The following MYH15 variants were observed in gnomAD, a reference collection of about 807,000 sequenced individuals.
The protein encoded by MYH15 is myosin-15.
In MYH15, 227 loss-of-function variants were observed where a neutral mutation model predicts 240.5. That is an observed-to-expected ratio of 0.94 (90% CI 0.85 to 1.05). The LOEUF (loss-of-function observed/expected upper bound fraction) is 1.05. Among genes scored for constraint, MYH15 ranks in the 50% least tolerant of loss-of-function variants. MYH15 has a pLI of 0.00. For missense variants in MYH15, 2,217 were observed against 2,247.5 expected (o/e 0.99, Z 0.27); for synonymous variants, 785 against 796.7 (o/e 0.99, Z 0.25).
chr3:108,488,715 C>T (rs1321151858), intron 9 of MYH15, among the ~76,000 whole-genome samples: 2 of 152,076 alleles, frequency 1.3e-5, no homozygotes, highest in Admixed American at 6.6e-5. Context: ...TTCTCTATCT[C>T]GGCAATTGTG....
chr3:108,517,741 T>G (rs1039669778), intron 1 of MYH15, among the ~76,000 whole-genome samples: 2 of 152,230 alleles, frequency 1.3e-5, no homozygotes, highest in Non-Finnish European at 2.9e-5. Flanking sequence ...GTGCTGGGAT[T>G]ACAGGTGTGA....
At chr3:108,492,462 T>A in intron 9 of MYH15, 38 bp downstream of exon 9, 1 of 1,467,048 alleles carries the variant, frequency 6.8e-7, no homozygotes, top group Non-Finnish European at 9.4e-7. Flanking sequence ...ATTTTTCTTG[T>A]TTTGGAATAA....
intron 1 of MYH15, among the ~76,000 whole-genome samples, chr3:108,523,409 G>A (rs929183357): frequency 6.6e-6 from 1 of 151,846 alleles, no homozygotes; most frequent in South Asian, 2.1e-4. Context: ...AGTATACCCT[G>A]TAAATATATG....
At chr3:108,537,877 T>C in the MYH15 span, among the ~76,000 whole-genome samples, 2 of 152,150 alleles carry the variant, frequency 1.3e-5, no homozygotes, top group African/African-American at 4.8e-5. Context: ...GGATAAAATA[T>C]GCATAATTAC....
At chr3:108,387,590 T>G (rs1046474925) in intron 38 of MYH15, among the ~76,000 whole-genome samples, 5 of 145,838 alleles carry the variant, frequency 3.4e-5, no homozygotes, top group Non-Finnish European at 6.1e-5. Context: ...AATAAAACAA[T>G]AAGAAGAATC....
chr3:108,391,991 C>T, intron 36 of MYH15, 61 bp from the exon 37 acceptor site: 1 of 1,565,426 alleles, frequency 6.4e-7, no homozygotes, highest in Non-Finnish European at 8.7e-7. Context: ...AACATTTTTA[C>T]CCATGATCTT....
the MYH15 span, among the ~76,000 whole-genome samples, chr3:108,547,677 G>A: frequency 2.0e-5 from 3 of 152,168 alleles, no homozygotes; most frequent in East Asian, 3.9e-4. Flanking sequence ...TTTTAATTTC[G>A]TGAATGATAT....
rs757979683 is a variant in MYH15, at chr3:108,410,578, T to C, written c.4495+5A>G. 23 of 1,570,220 alleles carry C rather than the reference T, an allele frequency of 1.5e-5. No homozygotes were observed. The highest frequency in any genetic ancestry group is 2.3e-5 in the East Asian group (1 of 44,064). Reference sequence around the variant, plus strand: ...GGCTTTGGCTCTGAGCCCAGCTCGGTGTACCTTGGAGGTTCTTGTTCTCCC... The same window carrying C: ...GGCTTTGGCTCTGAGCCCAGCTCGGCGTACCTTGGAGGTTCTTGTTCTCCC... On this transcript the variant is annotated splice_donor_5th_base_variant and intron_variant, in intron 31 of 40. Coordinates refer to ENST00000693548, the MANE Select transcript of MYH15 (RefSeq NM_014981.3).
intron 39 of MYH15, 90 bp from the exon 40 acceptor site, chr3:108,383,819 A>C (rs1041384951): frequency 9.5e-7 from 1 of 1,050,394 alleles, no homozygotes; most frequent in African/African-American, 1.6e-5. Flanking sequence ...AAGTTGAATA[A>C]TGTGAAAAGA....
chr3:108,488,790 G>T (rs1355789244), intron 9 of MYH15, among the ~76,000 whole-genome samples: 4 of 152,160 alleles, frequency 2.6e-5, no homozygotes, highest in Non-Finnish European at 5.9e-5. Flanking sequence ...ATTTCCCTTG[G>T]ATGTATTCCC....
intron 32 of MYH15, among the ~76,000 whole-genome samples, chr3:108,407,444 G>A (rs6795741): frequency 0.87 from 131,663 of 152,176 alleles, 58,008 homozygotes; most frequent in Non-Finnish European, 0.96. Context: ...AGAAGAGGCT[G>A]CACAGGGCTT....
chr3:108,398,481 A>T (rs1217261815), intron 35 of MYH15, among the ~76,000 whole-genome samples, 156 bp downstream of exon 35: 2 of 143,214 alleles, frequency 1.4e-5, no homozygotes, highest in Non-Finnish European at 3.1e-5. Context: ...GAAATAACAC[A>T]CTTGGGAACA....
intron 22 of MYH15, among the ~76,000 whole-genome samples, chr3:108,444,351 C>T (rs1352540286): frequency 6.6e-6 from 1 of 152,032 alleles, no homozygotes; most frequent in African/African-American, 2.4e-5. Flanking sequence ...TCATGGGCTA[C>T]ATAGAAACTT....
Position 108,410,599 on chromosome 3 carries a change from C to T in MYH15, c.4479G>A (p.Glu1493=). 6.3e-7 allele frequency: 1 copy of T among 1,592,334 alleles called. No homozygotes were observed. The highest frequency in any genetic ancestry group is 1.1e-5 in the South Asian group (1 of 89,830). ...SIVGQETLRR[E]NKNLQEEISN... is the part of the protein sequence containing the mutation. ...TCGGTGTACCTTGGAGGTTCTTGTT[C>T]TCCCTCCTGAGTGTCTCCTGGCCCA... Residue 1493 remains glutamate (E), a synonymous_variant, in exon 31 of 41, where the codon GAG becomes GAA. Coordinates refer to ENST00000693548, the MANE Select transcript of MYH15 (RefSeq NM_014981.3).
upstream of MYH15, among the ~76,000 whole-genome samples, chr3:108,533,357 G>C (rs189197129): frequency 3.8e-4 from 57 of 151,990 alleles, no homozygotes; most frequent in East Asian, 9.1e-3. Flanking sequence ...TTATTTACTA[G>C]CTCTAGGATC....
rs1385941322 is a variant in MYH15, at chr3:108,456,801, A to G, written c.2103T>C (p.Phe701=). 2.5e-6 allele frequency: 4 copies of G among 1,613,796 alleles called. No individual in the cohort carries two copies. The South Asian group carries it at 4.4e-5, about 18-fold the overall frequency. The change falls in exon 19 of 41, where the codon TTT becomes TTC. Residue 701 remains phenylalanine (F), a synonymous_variant. Transcript: ENST00000693548. ...AATCAGCATACTGCAGTCGGTTTGG[A>G]AAACCTTCACGGCATATCCTAGTCC... ...LEGTRICREG[F]PNRLQYADFK...
intron 33 of MYH15, among the ~76,000 whole-genome samples, chr3:108,403,240 G>T (rs927518700): frequency 6.6e-6 from 1 of 152,184 alleles, no homozygotes; most frequent in African/African-American, 2.4e-5. Context: ...TGGCAGCAGA[G>T]AATTAGTTGA....
At chr3:108,517,394 G>A (rs1463109854) in intron 1 of MYH15, among the ~76,000 whole-genome samples, 1 of 152,008 alleles carries the variant, frequency 6.6e-6, no homozygotes, top group African/African-American at 2.4e-5. Context: ...GTGCAATGGT[G>A]CAATCTCGGC....
chr3:108,433,759 T>C lies in MYH15; in HGVS notation c.3222-2837A>G, dbSNP rs543205621. Among the ~76,000 whole-genome samples the C allele has an allele frequency of 9.2e-5, 14 of 152,352 alleles. 1 individual carries two copies. The highest frequency in any genetic ancestry group is 3.1e-4 in the African/African-American group (13 of 41,586). ...CCTCCTCCTTGTCTTCTGCCATGAC[T>C]GTGAGGCCTCCCAAGACATGTGGAA... On this transcript the variant is annotated intron_variant, in intron 25 of 40. Transcript: ENST00000693548.
Sources: allele counts gnomAD v4.1 joint callset (sites outside exome capture counted in the v4.1 genomes callset), GRCh38; gene constraint gnomAD v4.1.1; transcripts MANE v1.5; gene names NCBI Gene and HGNC (gene_info 2026-07-23, HGNC 2026-07-21).